The following COP1 variants were observed in gnomAD, a reference collection of about 807,000 sequenced individuals.
COP1 encodes the protein E3 ubiquitin-protein ligase COP1.
COP1 carries 24 observed loss-of-function variants against 101.3 expected under a neutral mutation model. The ratio of observed to expected loss-of-function variants is 0.24; its 90% CI spans 0.17 to 0.33. The LOEUF (loss-of-function observed/expected upper bound fraction) is 0.33. Among genes scored for constraint, COP1 ranks in the 10% least tolerant of loss-of-function variants. The probability of loss-of-function intolerance (pLI) is 1.00; values close to 1 mark genes in which losing one functional copy is unlikely to be tolerated. For missense variants in COP1, 663 were observed against 906.2 expected (o/e 0.73, Z 3.45); for synonymous variants, 347 against 341.9 (o/e 1.01, Z -0.17).
chr1:176,088,562 T>C (rs191281692), intron 9 of COP1, among the ~76,000 whole-genome samples: 1 of 152,246 alleles, frequency 6.6e-6, no homozygotes, highest in East Asian at 1.9e-4. Flanking sequence ...TTTATATGTG[T>C]TTTACCTCCA....
At chr1:176,162,798 A>C in intron 5 of COP1, 71 bp downstream of exon 5, 1 of 1,360,092 alleles carries the variant, frequency 7.4e-7, no homozygotes, top group South Asian at 1.5e-5. Flanking sequence ...TTATTTTTAA[A>C]CTTTCTACGT....
At chr1:176,148,738 T>A (rs1226241321) in intron 6 of COP1, among the ~76,000 whole-genome samples, 1 of 152,152 alleles carries the variant, frequency 6.6e-6, no homozygotes, top group East Asian at 1.9e-4. Flanking sequence ...ATTTAATACA[T>A]CTATTTTCAA....
rs144131804 is a variant in COP1 at position 176,031,972 on chromosome 1, T to A, written c.1613-4284A>T. Among the ~76,000 whole-genome samples the A allele has an allele frequency of 3.4e-3, 523 of 152,326 alleles. 1 individual carries two copies. Among genetic ancestry groups the A allele is most frequent in the Middle Eastern group, 0.014 (4 of 294 alleles). ...ATAATAACATCAGATTCAGTTCCAG[T>A]GTGCAAGGTTTATGTTTCTGAGTTT... On this transcript the variant is annotated intron_variant, in intron 14 of 19. Transcript: ENST00000367669.
At chr1:175,956,151 A>T (rs988721421) in intron 18 of COP1, among the ~76,000 whole-genome samples, 1 of 152,188 alleles carries the variant, frequency 6.6e-6, no homozygotes, top group Non-Finnish European at 1.5e-5. Flanking sequence ...TAGGATAGAC[A>T]TATAAATCAA....
intron 14 of COP1, among the ~76,000 whole-genome samples, chr1:176,041,033 A>G (rs1670429581): frequency 6.6e-6 from 1 of 152,092 alleles, no homozygotes; most frequent in African/African-American, 2.4e-5. Context: ...CAAGAAACAG[A>G]AAAAAAAGGT....
chr1:176,094,561 T>C (rs1296272833), intron 9 of COP1, among the ~76,000 whole-genome samples: 6 of 151,848 alleles, frequency 4.0e-5, no homozygotes, highest in African/African-American at 1.4e-4. Flanking sequence ...ACTATGTTAA[T>C]TTTACCTAGC....
At chr1:176,190,775 C>T (rs183844132) in intron 1 of COP1, among the ~76,000 whole-genome samples, 52 of 151,810 alleles carry the variant, frequency 3.4e-4, no homozygotes, top group African/African-American at 1.2e-3. Context: ...TAGAACTGTC[C>T]AACAAACTAA....
intron 14 of COP1, among the ~76,000 whole-genome samples, chr1:176,039,126 G>T (rs1159842811): frequency 6.6e-6 from 1 of 152,140 alleles, no homozygotes; most frequent in African/African-American, 2.4e-5. Flanking sequence ...ATCATACATT[G>T]TATCTGTTAG....
chr1:175,998,067 A>T (rs1343732350), intron 15 of COP1, among the ~76,000 whole-genome samples: 7 of 13,786 alleles, frequency 5.1e-4, no homozygotes, highest in East Asian at 0.011. Context: ...TATAATTAAA[A>T]AAAAAAAAAA....
intron 18 of COP1, among the ~76,000 whole-genome samples, chr1:175,957,702 T>C (rs1227687722): frequency 6.6e-6 from 1 of 152,228 alleles, no homozygotes; most frequent in Non-Finnish European, 1.5e-5. Context: ...AAAGAAATGA[T>C]GGTATATAGT....
At chr1:176,005,553 C>G (rs1662939972) in intron 15 of COP1, among the ~76,000 whole-genome samples, 1 of 152,152 alleles carries the variant, frequency 6.6e-6, no homozygotes, top group East Asian at 1.9e-4. Context: ...TATGTTGTGT[C>G]TTTGTTCTTG....
intron 3 of COP1, among the ~76,000 whole-genome samples, chr1:176,174,654 G>C (rs1009656947): frequency 6.6e-6 from 1 of 152,080 alleles, no homozygotes; most frequent in Admixed American, 6.6e-5. Flanking sequence ...AGCTGAATAC[G>C]TTCAAATTCA....
At chr1:176,003,460 C>A (rs376648314) in intron 15 of COP1, among the ~76,000 whole-genome samples, 1 of 151,830 alleles carries the variant, frequency 6.6e-6, no homozygotes, top group South Asian at 2.1e-4. Context: ...CCTAGGTTTT[C>A]TTCTAGGGTT....
chr1:176,003,855 A>T lies in COP1; in HGVS notation c.1730-14376T>A, dbSNP rs545636582. Among the ~76,000 whole-genome samples, 455 of 152,232 alleles carry T rather than the reference A, an allele frequency of 3.0e-3. 2 individuals carry two copies. Among genetic ancestry groups the T allele is most frequent in the African/African-American group, 0.01 (428 of 41,528 alleles). ...GTGGGCTCTTTTTTGGTTCCATATG[A>T]ACTTGAAAGTAGTTTTTTCCAATTC... On this transcript the variant is annotated intron_variant, in intron 15 of 19. Transcript: ENST00000367669.
chr1:176,064,287 T>C (rs1675515517), intron 11 of COP1, among the ~76,000 whole-genome samples: 2 of 152,166 alleles, frequency 1.3e-5, no homozygotes, highest in African/African-American at 4.8e-5. Flanking sequence ...TTCATTTACA[T>C]AAATAAGGAT....
chr1:176,145,771 C>T (rs1052135573), intron 6 of COP1, among the ~76,000 whole-genome samples: 3 of 151,970 alleles, frequency 2.0e-5, no homozygotes, highest in African/African-American at 7.3e-5. Flanking sequence ...AAATAACGCT[C>T]AAAAACAGAG....
At chr1:176,073,193 G>C (rs1272740858) in intron 11 of COP1, among the ~76,000 whole-genome samples, 1 of 152,092 alleles carries the variant, frequency 6.6e-6, no homozygotes, top group Non-Finnish European at 1.5e-5. Flanking sequence ...TTAGGGAATT[G>C]ATGTAAAATA....
At chr1:175,995,519 A>G (rs986686983) in intron 15 of COP1, among the ~76,000 whole-genome samples, 2 of 152,196 alleles carry the variant, frequency 1.3e-5, no homozygotes, top group Admixed American at 6.5e-5. Context: ...TAAAGAAGAA[A>G]AGAGAGAAGA....
At chr1:175,947,571 T>C (rs543432271) in intron 18 of COP1, among the ~76,000 whole-genome samples, 14 of 152,226 alleles carry the variant, frequency 9.2e-5, no homozygotes, top group African/African-American at 3.4e-4. Flanking sequence ...GGATTCTCCA[T>C]GTTGGTCAGG....
Sources: allele counts gnomAD v4.1 joint callset (sites outside exome capture counted in the v4.1 genomes callset), GRCh38; gene constraint gnomAD v4.1.1; transcripts MANE v1.5; gene names NCBI Gene and HGNC (gene_info 2026-07-23, HGNC 2026-07-21).